SPOCK3: variants seen among roughly 807,000 people sequenced by gnomAD.
SPOCK3 encodes the protein SPARC (osteonectin), cwcv and kazal like domains proteoglycan 3.
SPOCK3 carries 30 observed loss-of-function variants against 56.6 expected under a neutral mutation model. The observed-to-expected ratio is 0.53, with a 90% CI of 0.40 to 0.72. The LOEUF is 0.72. Among genes scored for constraint, SPOCK3 ranks in the 30% least tolerant of loss-of-function variants. SPOCK3 has a pLI of 0.00. For synonymous variants in SPOCK3, 196 were observed against 183.3 expected, an observed-to-expected ratio of 1.07 and a Z score of -0.56; for missense variants, 527 against 530.0, an observed-to-expected ratio of 0.99 and a Z score of 0.06.
chr4:166,953,671 A>G (rs1176224885), intron 4 of SPOCK3, among the ~76,000 whole-genome samples: 2 of 152,220 alleles, frequency 1.3e-5, no homozygotes, highest in Non-Finnish European at 2.9e-5. Flanking sequence ...AATATGAAAG[A>G]CTTGGAACCA....
intron 2 of SPOCK3, among the ~76,000 whole-genome samples, chr4:167,161,118 G>A (rs1210337392): frequency 6.6e-6 from 1 of 152,126 alleles, no homozygotes; most frequent in Admixed American, 6.6e-5. Flanking sequence ...CCTACAGAAT[G>A]GGAGATAATT....
intron 2 of SPOCK3, among the ~76,000 whole-genome samples, chr4:167,182,297 A>T (rs1053253952): frequency 6.6e-6 from 1 of 152,052 alleles, no homozygotes; most frequent in African/African-American, 2.4e-5. Flanking sequence ...GAAAGTATGC[A>T]TACTTAGCCA....
At chr4:166,961,242 C>A (rs1744115197) in intron 4 of SPOCK3, among the ~76,000 whole-genome samples, 1 of 133,714 alleles carries the variant, frequency 7.5e-6, no homozygotes. Context: ...GAGTCTTACC[C>A]ACGAAATTAA....
intron 3 of SPOCK3, among the ~76,000 whole-genome samples, chr4:167,004,126 A>T (rs1330778329): frequency 6.6e-6 from 1 of 152,184 alleles, no homozygotes; most frequent in African/African-American, 2.4e-5. Flanking sequence ...GTTGGCAGAG[A>T]TGTATAAATA....
intron 6 of SPOCK3, among the ~76,000 whole-genome samples, chr4:166,825,908 G>C (rs999272516): frequency 6.6e-6 from 1 of 152,006 alleles, no homozygotes; most frequent in Admixed American, 6.6e-5. Flanking sequence ...TGGAAGGGAG[G>C]AGTGAGGAAT....
At chr4:166,856,879 C>T (rs977846808) in intron 6 of SPOCK3, among the ~76,000 whole-genome samples, 1 of 151,988 alleles carries the variant, frequency 6.6e-6, no homozygotes, top group Non-Finnish European at 1.5e-5. Flanking sequence ...AAAAGAGTGT[C>T]TTGCCCATTA....
intron 2 of SPOCK3, among the ~76,000 whole-genome samples, chr4:167,166,921 A>G (rs1730014735): frequency 6.6e-6 from 1 of 152,152 alleles, no homozygotes; most frequent in South Asian, 2.1e-4. Flanking sequence ...AACGAATTAC[A>G]CTTATAGTGG....
At chr4:166,954,776 T>G (rs1179414696) in intron 4 of SPOCK3, among the ~76,000 whole-genome samples, 1 of 152,198 alleles carries the variant, frequency 6.6e-6, no homozygotes, top group Non-Finnish European at 1.5e-5. Context: ...ATTTCTCTGT[T>G]ATCACAAATG....
At chr4:167,159,276 G>T (rs993233391) in intron 2 of SPOCK3, among the ~76,000 whole-genome samples, 1 of 151,870 alleles carries the variant, frequency 6.6e-6, no homozygotes, top group African/African-American at 2.4e-5. Flanking sequence ...ATTAATATAT[G>T]ATTGTGATAG....
intron 2 of SPOCK3, among the ~76,000 whole-genome samples, chr4:167,090,986 A>G (rs1274788243): frequency 1.3e-5 from 2 of 152,220 alleles, no homozygotes; most frequent in Admixed American, 6.5e-5. Context: ...AAGTTTAACA[A>G]GTAATCAAAA....
intron 3 of SPOCK3, among the ~76,000 whole-genome samples, chr4:167,001,741 A>G (rs1748972593): frequency 6.6e-6 from 1 of 152,176 alleles, no homozygotes; most frequent in Non-Finnish European, 1.5e-5. Context: ...AATATGGTAA[A>G]CAAAAAATTC....
chr4:166,848,370 G>T (rs546200457), intron 6 of SPOCK3, among the ~76,000 whole-genome samples: 1 of 152,282 alleles, frequency 6.6e-6, no homozygotes, highest in South Asian at 2.1e-4. Flanking sequence ...AGGGTTTCCA[G>T]CATCCTTGGG....
chr4:167,182,409 C>CA (rs35047060), intron 2 of SPOCK3, among the ~76,000 whole-genome samples: 5,471 of 135,390 alleles, frequency 0.04, 145 homozygotes, highest in Middle Eastern at 0.085. Flanking sequence ...AAAAGAAAGA[C>CA]AAAAAAAAAA....
At chr4:167,127,102 T>G (rs1347353536) in intron 2 of SPOCK3, among the ~76,000 whole-genome samples, 1 of 152,144 alleles carries the variant, frequency 6.6e-6, no homozygotes, top group Non-Finnish European at 1.5e-5. Context: ...GATTGATATT[T>G]TAGAAGGGAA....
intron 6 of SPOCK3, among the ~76,000 whole-genome samples, chr4:166,867,975 G>A (rs940888864): frequency 5.3e-5 from 8 of 151,552 alleles, no homozygotes; most frequent in African/African-American, 1.9e-4. Context: ...TTGATTTGTT[G>A]GATTAAGAAA....
At chr4:167,052,613 T>G (rs1303755977) in intron 3 of SPOCK3, among the ~76,000 whole-genome samples, 1 of 152,168 alleles carries the variant, frequency 6.6e-6, no homozygotes, top group Non-Finnish European at 1.5e-5. Context: ...ATTTCAATAC[T>G]GGGAACACCA....
At chr4:167,056,902 C>T (rs1157221907) in intron 3 of SPOCK3, among the ~76,000 whole-genome samples, 2 of 152,110 alleles carry the variant, frequency 1.3e-5, no homozygotes, top group East Asian at 1.9e-4. Context: ...TCTAGCAAGG[C>T]AGGCCAACAT....
At chr4:167,151,619 T>C (rs1261580997) in intron 2 of SPOCK3, among the ~76,000 whole-genome samples, 1 of 151,940 alleles carries the variant, frequency 6.6e-6, no homozygotes, top group African/African-American at 2.4e-5. Flanking sequence ...GTATTTTTAG[T>C]AGAGACGGGG....
At chr4:167,104,454 T>C (rs1386113053) in intron 2 of SPOCK3, among the ~76,000 whole-genome samples, 1 of 152,072 alleles carries the variant, frequency 6.6e-6, no homozygotes, top group African/African-American at 2.4e-5. Flanking sequence ...CTGAACAATG[T>C]ATCAGAGTCT....
Sources: allele counts gnomAD v4.1 joint callset (sites outside exome capture counted in the v4.1 genomes callset), GRCh38; gene constraint gnomAD v4.1.1; transcripts MANE v1.5; gene names NCBI Gene and HGNC (gene_info 2026-07-23, HGNC 2026-07-21).